NRXN1: variants seen among roughly 807,000 people sequenced by gnomAD.
The protein encoded by NRXN1 is neurexin-1.
Under a neutral mutation model 150.9 loss-of-function variants are expected in NRXN1, and 39 were observed. The observed-to-expected ratio is 0.26, with a 90% CI of 0.20 to 0.34. The LOEUF is 0.34. Among genes scored for constraint, NRXN1 ranks in the 10% least tolerant of loss-of-function variants. The pLI is 1.00. For synonymous variants in NRXN1, 924 were observed against 757.0 expected (o/e 1.22, Z -3.62); for missense variants, 1,815 against 1,949.9 (o/e 0.93, Z 1.30).
intron 5 of NRXN1, among the ~76,000 whole-genome samples, chr2:50,730,251 T>C (rs961112869): frequency 2.6e-5 from 4 of 152,200 alleles, no homozygotes; most frequent in Non-Finnish European, 2.9e-5. Context: ...TGAAAGATTC[T>C]TATGGTCTAC....
At chr2:50,070,251 C>G (rs992799851) in intron 19 of NRXN1, among the ~76,000 whole-genome samples, 1 of 152,128 alleles carries the variant, frequency 6.6e-6, no homozygotes, top group African/African-American at 2.4e-5. Flanking sequence ...AAATTTTTAG[C>G]ACTAAAGAGA....
At chr2:51,020,244 G>C (rs1248814431) in intron 2 of NRXN1, among the ~76,000 whole-genome samples, 2 of 151,478 alleles carry the variant, frequency 1.3e-5, no homozygotes, top group African/African-American at 4.8e-5. Context: ...TCATAGATTA[G>C]TTGTATCTGT....
chr2:50,932,099 ATAAT>A (rs1215148804), intron 2 of NRXN1, among the ~76,000 whole-genome samples: 2 of 152,102 alleles, frequency 1.3e-5, no homozygotes, highest in Non-Finnish European at 2.9e-5. Flanking sequence ...AATATTACTT[ATAAT>A]CAGGCTGAGC....
At chr2:50,875,308 T>C (rs1037971854) in intron 5 of NRXN1, among the ~76,000 whole-genome samples, 2 of 151,862 alleles carry the variant, frequency 1.3e-5, no homozygotes, top group Admixed American at 6.6e-5. Context: ...ATATCTTAAA[T>C]ATAAATAAAA....
intron 17 of NRXN1, among the ~76,000 whole-genome samples, chr2:50,453,571 C>A (rs1043209392): frequency 2.0e-5 from 3 of 152,104 alleles, no homozygotes; most frequent in Non-Finnish European, 4.4e-5. Flanking sequence ...AAATATTGAA[C>A]CAAAACAATC....
chr2:50,611,789 G>C (rs1443093372), intron 8 of NRXN1, among the ~76,000 whole-genome samples: 1 of 152,164 alleles, frequency 6.6e-6, no homozygotes. Context: ...TGCCAGAGTA[G>C]GGAAGAGGTT....
chr2:50,623,741 C>T, intron 5 of NRXN1, 126 bp from the exon 6 acceptor site: 1 of 673,234 alleles, frequency 1.5e-6, no homozygotes, highest in Non-Finnish European at 2.5e-6. Flanking sequence ...ATGACATGAA[C>T]TCTGTCTCAG....
intron 5 of NRXN1, among the ~76,000 whole-genome samples, chr2:50,865,658 G>GGTTTTT (rs1676792192): frequency 2.4e-5 from 1 of 41,832 alleles, no homozygotes; most frequent in Non-Finnish European, 3.9e-5. Flanking sequence ...GCATTTGAAA[G>GGTTTTT]TTTTTTTTTT....
chr2:50,795,374 C>T (rs976140703), intron 5 of NRXN1, among the ~76,000 whole-genome samples: 7 of 152,072 alleles, frequency 4.6e-5, no homozygotes, highest in South Asian at 2.1e-4. Context: ...ACTGTGTCAG[C>T]GGCATCAGTT....
intron 15 of NRXN1, among the ~76,000 whole-genome samples, chr2:50,477,154 G>C (rs1305714353): frequency 6.6e-6 from 1 of 152,090 alleles, no homozygotes; most frequent in Non-Finnish European, 1.5e-5. Context: ...GGCTTGACTG[G>C]AAGAGAGGAG....
chr2:50,314,981 T>C (rs1250800892), intron 17 of NRXN1, among the ~76,000 whole-genome samples: 1 of 152,056 alleles, frequency 6.6e-6, no homozygotes, highest in Non-Finnish European at 1.5e-5. Flanking sequence ...AAAATTATTC[T>C]GATTATTTTT....
At chr2:50,337,442 C>T (rs1274547025) in intron 17 of NRXN1, among the ~76,000 whole-genome samples, 1 of 152,148 alleles carries the variant, frequency 6.6e-6, no homozygotes, top group African/African-American at 2.4e-5. Flanking sequence ...CCACAACTTC[C>T]GTTTCAGTGA....
At chr2:50,745,145 C>G (rs543841453) in intron 5 of NRXN1, among the ~76,000 whole-genome samples, 1 of 152,078 alleles carries the variant, frequency 6.6e-6, no homozygotes, top group Non-Finnish European at 1.5e-5. Flanking sequence ...AGCATTTAAT[C>G]TCTCCAAATC....
chr2:50,229,596 T>C (rs2064748542), intron 18 of NRXN1, among the ~76,000 whole-genome samples: 1 of 151,714 alleles, frequency 6.6e-6, no homozygotes, highest in Admixed American at 6.6e-5. Context: ...ATGTTCTAAA[T>C]ACAGGAGTTC....
At chr2:50,075,286 A>G (rs1405719441) in intron 19 of NRXN1, among the ~76,000 whole-genome samples, 1 of 152,212 alleles carries the variant, frequency 6.6e-6, no homozygotes, top group East Asian at 1.9e-4. Context: ...ATATATGATG[A>G]AAGCAATTTT....
intron 5 of NRXN1, among the ~76,000 whole-genome samples, chr2:50,731,268 T>A (rs1698067476): frequency 6.6e-6 from 1 of 152,186 alleles, no homozygotes; most frequent in South Asian, 2.1e-4. Context: ...GGGATCAAAC[T>A]GGAATGACTT....
intron 5 of NRXN1, among the ~76,000 whole-genome samples, chr2:50,727,338 A>C (rs1697501441): frequency 6.6e-6 from 1 of 152,232 alleles, no homozygotes; most frequent in Non-Finnish European, 1.5e-5. Flanking sequence ...ATGTGTTAAC[A>C]CTAAAGTATC....
At chr2:50,824,090 G>A (rs868785841) in intron 5 of NRXN1, among the ~76,000 whole-genome samples, 2 of 152,142 alleles carry the variant, frequency 1.3e-5, no homozygotes, top group South Asian at 2.1e-4. Flanking sequence ...AGAATTTAGA[G>A]GAAGTCAGAG....
intron 9 of NRXN1, among the ~76,000 whole-genome samples, chr2:50,544,618 T>C (rs1200810015): frequency 6.6e-6 from 1 of 152,080 alleles, no homozygotes; most frequent in Non-Finnish European, 1.5e-5. Context: ...TTGGCAAGAA[T>C]AAGGGGGAAA....
Sources: gnomAD v4.1 joint callset for allele counts (sites outside exome capture counted in the v4.1 genomes callset) on GRCh38, gnomAD v4.1.1 for gene constraint, MANE v1.5 for transcripts, NCBI Gene and HGNC (gene_info 2026-07-23, HGNC 2026-07-21) for gene names.